The following DLST variants were observed in gnomAD, a reference collection of about 807,000 sequenced individuals.
DLST encodes dihydrolipoyllysine-residue succinyltransferase component of 2-oxoglutarate dehydrogenase complex, mitochondrial.
DLST carries 17 observed loss-of-function variants against 53.1 expected under a neutral mutation model. That is an observed-to-expected ratio of 0.32 (90% CI 0.22 to 0.48). The LOEUF (loss-of-function observed/expected upper bound fraction) is 0.48, where lower values mean the gene tolerates loss of function less well. DLST is among the 20% of genes least tolerant of loss of function. DLST has a pLI of 0.99. For synonymous variants in DLST, 206 were observed against 204.8 expected, an observed-to-expected ratio of 1.01 and a Z score of -0.05; for missense variants, 512 against 583.9, an observed-to-expected ratio of 0.88 and a Z score of 1.27.
chr14:74,893,802 A>T (rs905868969), intron 9 of DLST, among the ~76,000 whole-genome samples: 6 of 152,286 alleles, frequency 3.9e-5, no homozygotes, highest in African/African-American at 1.4e-4. Context: ...TAGCTAAGGG[A>T]TAATACTCAG....
chr14:74,888,737 T>G (rs1291010951), intron 3 of DLST, among the ~76,000 whole-genome samples: 3 of 152,134 alleles, frequency 2.0e-5, no homozygotes, highest in African/African-American at 7.2e-5. Context: ...ATCAAGAAGC[T>G]AAGTCATTTC....
In DLST at chr14:74,891,121, A is replaced by G. The variant is rs372703694; in HGVS notation, c.396A>G (p.Gly132=). 3.1e-6 allele frequency: 5 copies of G among 1,613,742 alleles called. No homozygotes were observed. Among genetic ancestry groups the G allele is most frequent in the East Asian group, 2.2e-5 (1 of 44,892 alleles). The change falls in exon 7 of 15, where the codon GGA becomes GGG. Residue 132 remains glycine (G), a synonymous_variant. Coordinates refer to ENST00000334220, the MANE Select transcript of DLST (RefSeq NM_001933.5). The part of the protein sequence containing the change: ...VIEALLVPDG[G]KVEGGTPLFT... ...AAGCTCTTTTGGTACCTGATGGGGG[A>G]AAAGTCGAAGGAGGCACTCCACTTT...
At chr14:74,899,185 T>C (rs1884164755) in intron 11 of DLST, among the ~76,000 whole-genome samples, 2 of 152,018 alleles carry the variant, frequency 1.3e-5, no homozygotes, top group Admixed American at 1.3e-4. Context: ...CCCAAATGTA[T>C]ACCTCTTCTT....
chr14:74,899,868 A>G, intron 11 of DLST, 55 bp from the exon 12 acceptor site: 8 of 1,410,004 alleles, frequency 5.7e-6, no homozygotes, highest in Non-Finnish European at 7.0e-6. Flanking sequence ...ATATTACCTC[A>G]TTAGTCTTGG....
At chr14:74,900,467 C>A (rs1884209661) in intron 13 of DLST, 95 bp downstream of exon 13, 1 of 1,075,928 alleles carries the variant, frequency 9.3e-7, no homozygotes, top group Non-Finnish European at 1.4e-6. Flanking sequence ...CATGGAAAGT[C>A]AAGTGCATAG....
chr14:74,901,149 T>G lies in DLST; in HGVS notation c.1143T>G (p.Phe381Leu), dbSNP rs1884234616. The G allele has an allele frequency of 3.1e-6, 5 of 1,614,108 alleles. No individual in the cohort carries two copies. The African/African-American group carries it at 5.3e-5, about 17-fold the overall frequency. The change falls in exon 14 of 15, where the codon TTT becomes TTG. Residue 381 changes from phenylalanine (F) to leucine (L), a missense_variant. By Grantham distance (22) the Phe-to-Leu change is conservative. Coordinates refer to ENST00000334220, the MANE Select transcript of DLST (RefSeq NM_001933.5). ...ATGGAGGCGTTTTTGGCTCGCTCTT[T>G]GGAACACCCATTATCAACCCCCCTC... is the stretch of plus-strand genomic sequence containing the variant. ...ISNGGVFGSL[F>L]GTPIINPPQS...
chr14:74,894,440 GC>G (rs1456230560), intron 10 of DLST, 31 bp downstream of exon 10: 1 of 1,603,102 alleles, frequency 6.2e-7, no homozygotes, highest in South Asian at 1.1e-5. Context: ...TATCCCCTAG[GC>G]CCCTTTTTCT....
chr14:74,893,265 CAG>C, intron 8 of DLST, 81 bp from the exon 9 acceptor site: 2 of 1,446,770 alleles, frequency 1.4e-6, no homozygotes, highest in East Asian at 4.5e-5. Context: ...GATTAAGTAA[CAG>C]TACATATGAA....
chr14:74,891,741 A>C (rs759413767), intron 7 of DLST: 7 of 984,908 alleles, frequency 7.1e-6, no homozygotes, highest in Non-Finnish European at 8.4e-6. Context: ...TAAAAAGTCT[A>C]TTTCTTTTTC....
chr14:74,885,728 C>A, intron 3 of DLST, 94 bp downstream of exon 3: 1 of 1,183,360 alleles, frequency 8.5e-7, no homozygotes, highest in Non-Finnish European at 1.2e-6. Context: ...CTTCACTGGC[C>A]TCCAGACCTA....
intron 5 of DLST, 185 bp from the exon 6 acceptor site, chr14:74,889,708 GCTAT>G: frequency 6.8e-6 from 4 of 592,462 alleles, no homozygotes; most frequent in South Asian, 4.5e-5. Flanking sequence ...AAGTTTAAGT[GCTAT>G]CTAAAATTCT....
At chr14:74,892,749 G>A (rs1043858820) in intron 7 of DLST, 85 bp from the exon 8 acceptor site, 4 of 1,375,788 alleles carry the variant, frequency 2.9e-6, no homozygotes, top group Middle Eastern at 5.0e-4. Context: ...TACTTGATTG[G>A]AGCTAGAGTT....
intron 7 of DLST, chr14:74,891,440 TAC>T (rs1883904180): frequency 9.1e-7 from 1 of 1,103,890 alleles, no homozygotes; most frequent in Non-Finnish European, 1.1e-6. Flanking sequence ...CTTATAGATA[TAC>T]AGATTGAGCA....
intron 3 of DLST, among the ~76,000 whole-genome samples, chr14:74,888,345 A>G (rs891245940): frequency 7.5e-6 from 1 of 134,228 alleles, no homozygotes; most frequent in Admixed American, 8.4e-5. Flanking sequence ...TTGCTGCCTT[A>G]TCTGATCTAA....
At position 74,881,979 on chromosome 14, in the gene DLST, C is replaced by T. The variant is rs910565762; in HGVS notation, c.26C>T (p.Ser9Phe). Reference protein sequence around the residue: MLSRSRCVSRAFSRSLSAF... With the variant: MLSRSRCVFRAFSRSLSAF... Reference sequence around the variant, plus strand: ...ATGCTGTCCCGATCCCGCTGTGTGTCTCGGGCGTTCAGCCGCTCGCTCTCC... The same window carrying T: ...ATGCTGTCCCGATCCCGCTGTGTGTTTCGGGCGTTCAGCCGCTCGCTCTCC... The change falls in exon 1 of 15, where the codon TCT becomes TTT. Residue 9 changes from serine (S) to phenylalanine (F), a missense_variant. Ser to Phe is a radical substitution (Grantham distance 155). This residue lies in a region of DLST where 129 missense variants were observed against 90.9 expected (regional missense o/e 1.42). Coordinates refer to ENST00000334220, the MANE Select transcript of DLST (RefSeq NM_001933.5). 1.9e-6 allele frequency: 3 copies of T among 1,572,108 alleles called. No homozygotes were observed. Among genetic ancestry groups the T allele is most frequent in the African/African-American group, 2.7e-5 (2 of 73,236 alleles).
chr14:74,899,794 GT>G, intron 11 of DLST, 128 bp from the exon 12 acceptor site: 1 of 668,314 alleles, frequency 1.5e-6, no homozygotes, highest in Non-Finnish European at 2.7e-6. Flanking sequence ...ATGCAGTGGT[GT>G]TCATGGTGGT....
chr14:74,894,452 T>TA, intron 10 of DLST, 43 bp downstream of exon 10: 1 of 1,596,666 alleles, frequency 6.3e-7, no homozygotes, highest in Non-Finnish European at 8.6e-7. Context: ...CCCTTTTTCT[T>TA]AGAGAACACG....
intron 4 of DLST, 29 bp from the exon 5 acceptor site, chr14:74,889,246 T>C: frequency 6.2e-7 from 1 of 1,609,440 alleles, no homozygotes. Context: ...ATGAACTACT[T>C]ATGATTTTCT....
intron 6 of DLST, among the ~76,000 whole-genome samples, 200 bp downstream of exon 6, chr14:74,890,152 C>CAG (rs3081754): frequency 0.66 from 83,899 of 127,990 alleles, 28,719 homozygotes; most frequent in African/African-American, 0.91. Context: ...TTTTTTGAGA[C>CAG]AGACTTGCTC....
Sources: allele counts gnomAD v4.1 joint callset (sites outside exome capture counted in the v4.1 genomes callset), GRCh38; gene constraint gnomAD v4.1.1; regional missense constraint gnomAD v4.1.1; transcripts MANE v1.5; gene names NCBI Gene and HGNC (gene_info 2026-07-23, HGNC 2026-07-21).